Variants in ADAMTSL1 observed in about 807,000 individuals in gnomAD.
ADAMTSL1 encodes the protein ADAMTS like 1.
ADAMTSL1 carries 126 observed loss-of-function variants against 201.8 expected under a neutral mutation model. The ratio of observed to expected loss-of-function variants is 0.62; its 90% CI spans 0.54 to 0.72. The LOEUF (loss-of-function observed/expected upper bound fraction) is 0.72, where lower values mean the gene tolerates loss of function less well. Ranked by LOEUF, ADAMTSL1 falls within the 30% of genes least tolerant of loss-of-function variation. The pLI is 0.00. For synonymous variants in ADAMTSL1, 1,121 were observed against 903.4 expected (o/e 1.24, Z -4.32); for missense variants, 2,679 against 2,277.8 (o/e 1.18, Z -3.59).
At chr9:18,702,364 G>T (rs940807957) in intron 13 of ADAMTSL1, among the ~76,000 whole-genome samples, 1 of 152,130 alleles carries the variant, frequency 6.6e-6, no homozygotes, top group African/African-American at 2.4e-5. Flanking sequence ...AGTTGTTTTT[G>T]TTTATCAGTA....
intron 23 of ADAMTSL1, among the ~76,000 whole-genome samples, chr9:18,834,989 T>C (rs76029818): frequency 0.038 from 5,850 of 152,206 alleles, 154 homozygotes; most frequent in South Asian, 0.099. Flanking sequence ...CACCTAGGAG[T>C]GAAATGACTT....
chr9:17,961,115 T>C (rs949428084), intron 1 of ADAMTSL1, among the ~76,000 whole-genome samples: 1 of 152,186 alleles, frequency 6.6e-6, no homozygotes, highest in South Asian at 2.1e-4. Context: ...AAAGGGACTT[T>C]GGAATCACTT....
At chr9:18,378,062 G>A (rs1311370539) in intron 2 of ADAMTSL1, among the ~76,000 whole-genome samples, 2 of 152,118 alleles carry the variant, frequency 1.3e-5, no homozygotes, top group African/African-American at 4.8e-5. Context: ...TCTTCTCTGG[G>A]AAAAGGCATC....
rs202085722 is a variant in ADAMTSL1 at position 17,983,064 on chromosome 9, C to CTTTTTTTTTTTTTTTTTTT, written c.87+76145_87+76146insTTTTTTTTTTTTTTTTTTT. On this transcript the variant is annotated intron_variant, in intron 1 of 29. Coordinates refer to the ADAMTSL1 transcript ENST00000680146. ...TTTTCATTTTCTTTTTCTTTTCTTT[C>CTTTTTTTTTTTTTTTTTTT]TTTCTTTCTTTCTTTTTTTTTTTTG... is the stretch of plus-strand genomic sequence containing the variant. 5.1e-4 allele frequency among the ~76,000 whole-genome samples: 45 copies of CTTTTTTTTTTTTTTTTTTT among 88,560 alleles called. 1 individual carries two copies. The highest frequency in any genetic ancestry group is 7.3e-4 in the South Asian group (2 of 2,734). 58.1% of individuals were successfully genotyped at this position (88,560 alleles called of 152,430 possible).
chr9:18,542,810 A>G (rs1454316746), intron 3 of ADAMTSL1, among the ~76,000 whole-genome samples: 1 of 152,212 alleles, frequency 6.6e-6, no homozygotes, highest in African/African-American at 2.4e-5. Flanking sequence ...TTTCTGAAAG[A>G]CTACATTATT....
In ADAMTSL1 at chr9:18,278,490, G is replaced by C. The variant is rs150522067; in HGVS notation, c.207+114509G>C. On this transcript the variant is annotated intron_variant, in intron 2 of 29. Transcript: ENST00000680146. ...GACTACATCACCCTACTCTCTCCTG[G>C]GCACCAATGTTTCAGCTGAAAAATC... Among the ~76,000 whole-genome samples, 747 of 152,064 alleles carry C rather than the reference G, an allele frequency of 4.9e-3. 7 individuals are homozygous for C. Among genetic ancestry groups the C allele is most frequent in the African/African-American group, 0.017 (719 of 41,480 alleles).
chr9:18,798,329 G>A (rs532585641), intron 20 of ADAMTSL1, among the ~76,000 whole-genome samples: 9 of 152,274 alleles, frequency 5.9e-5, no homozygotes, highest in East Asian at 1.9e-4. Flanking sequence ...CTTGAGCAAC[G>A]TCTTTATACT....
intron 2 of ADAMTSL1, among the ~76,000 whole-genome samples, chr9:18,509,052 C>T (rs1006086398): frequency 3.1e-5 from 4 of 130,530 alleles, no homozygotes; most frequent in East Asian, 3.9e-4. Context: ...GGCGCGGTGG[C>T]GGGCGCCTGT....
intron 2 of ADAMTSL1, among the ~76,000 whole-genome samples, chr9:18,236,252 A>T (rs1830843188): frequency 6.6e-6 from 1 of 152,028 alleles, no homozygotes; most frequent in Non-Finnish European, 1.5e-5. Context: ...TTGTATTTTT[A>T]CTAGAGACGG....
chr9:18,024,051 CATCAGTT>C (rs1820590999), intron 1 of ADAMTSL1, among the ~76,000 whole-genome samples: 1 of 151,902 alleles, frequency 6.6e-6, no homozygotes, highest in African/African-American at 2.4e-5. Context: ...TCTTCTCTGT[CATCAGTT>C]ATCATTTTGT....
At chr9:18,325,516 G>A (rs185727792) in intron 2 of ADAMTSL1, among the ~76,000 whole-genome samples, 224 of 152,298 alleles carry the variant, frequency 1.5e-3, no homozygotes, top group African/African-American at 4.8e-3. Context: ...GATATATGTA[G>A]GATATATATT....
intron 1 of ADAMTSL1, among the ~76,000 whole-genome samples, chr9:17,982,647 A>T (rs888401651): frequency 2.0e-5 from 3 of 151,624 alleles, no homozygotes; most frequent in African/African-American, 7.3e-5. Flanking sequence ...TAAAAATAAA[A>T]CCGGGCAGGA....
At chr9:18,443,762 G>A (rs939447817) in intron 2 of ADAMTSL1, among the ~76,000 whole-genome samples, 1 of 152,168 alleles carries the variant, frequency 6.6e-6, no homozygotes, top group Non-Finnish European at 1.5e-5. Flanking sequence ...CATGAATTCA[G>A]TGTACATGGA....
chr9:18,400,610 G>T (rs1262883349), intron 2 of ADAMTSL1, among the ~76,000 whole-genome samples: 1 of 152,056 alleles, frequency 6.6e-6, no homozygotes, highest in Non-Finnish European at 1.5e-5. Context: ...AATACGTTTC[G>T]AACAGGAGTG....
intron 1 of ADAMTSL1, among the ~76,000 whole-genome samples, chr9:18,487,753 A>G (rs1822068815): frequency 6.6e-6 from 1 of 152,216 alleles, no homozygotes; most frequent in African/African-American, 2.4e-5. Context: ...TTATTGAAAT[A>G]TGCAGTACAG....
At chr9:18,561,679 T>G (rs10963633) in intron 3 of ADAMTSL1, among the ~76,000 whole-genome samples, 38,601 of 151,798 alleles carry the variant, frequency 0.25, 5,300 homozygotes, top group East Asian at 0.6. Flanking sequence ...CTTTTAGGTC[T>G]CTAAGAACTT....
rs185020989 is a variant in ADAMTSL1 at position 18,382,444 on chromosome 9, A to G, written c.208-122385A>G. Among the ~76,000 whole-genome samples, 12 of 152,264 alleles carry G rather than the reference A, an allele frequency of 7.9e-5. No individual in the cohort carries two copies. The East Asian group carries it at 2.1e-3, about 27-fold the overall frequency. On this transcript the variant is annotated intron_variant, in intron 2 of 29. Coordinates refer to the ADAMTSL1 transcript ENST00000680146. ...ATAACTCCAAAATGCATGTCTAAATATAGCCACTTTTCCTTTCAACTGTGG... is the reference window on the plus strand; with the variant it reads ...ATAACTCCAAAATGCATGTCTAAATGTAGCCACTTTTCCTTTCAACTGTGG...
At position 18,039,023 on chromosome 9, in the gene ADAMTSL1, G is replaced by GCCTAA. The variant is rs374762966; in HGVS notation, c.88-124836_88-124832dup. ...TTAATAAAGAAAGCACTAACCCAGAGCCTAACCCAGATATATATGAAACGA... is the reference window on the plus strand; with the variant it reads ...TTAATAAAGAAAGCACTAACCCAGAGCCTAACCTAACCCAGATATATATGAAACGA... On this transcript the variant is annotated intron_variant, in intron 1 of 29. Coordinates refer to the ADAMTSL1 transcript ENST00000680146. Among the ~76,000 whole-genome samples, 205 of 152,238 alleles carry GCCTAA rather than the reference G, an allele frequency of 1.3e-3. 1 individual carries two copies. Among genetic ancestry groups the GCCTAA allele is most frequent in the African/African-American group, 4.7e-3 (194 of 41,554 alleles).
intron 1 of ADAMTSL1, among the ~76,000 whole-genome samples, chr9:18,081,717 A>C (rs949794126): frequency 1.3e-5 from 2 of 152,214 alleles, no homozygotes; most frequent in African/African-American, 4.8e-5. Context: ...AAGGAACAAA[A>C]ATTGAATCCT....
Sources: allele counts gnomAD v4.1 joint callset (sites outside exome capture counted in the v4.1 genomes callset), GRCh38; gene constraint gnomAD v4.1.1; transcripts MANE v1.5; gene names NCBI Gene and HGNC (gene_info 2026-07-23, HGNC 2026-07-21).